Variants in BCAS3 observed in about 807,000 individuals in gnomAD.
BCAS3 encodes the protein BCAS3 microtubule associated cell migration factor.
BCAS3 carries 53 observed loss-of-function variants against 116.1 expected under a neutral mutation model. That is an observed-to-expected ratio of 0.46 (90% CI 0.37 to 0.57). BCAS3 has a LOEUF of 0.57. Ranked by LOEUF, BCAS3 falls within the 20% of genes least tolerant of loss-of-function variation. BCAS3 has a pLI of 0.00. For synonymous variants in BCAS3, 391 were observed against 408.2 expected, an observed-to-expected ratio of 0.96 and a Z score of 0.51; for missense variants, 917 against 1,165.4, an observed-to-expected ratio of 0.79 and a Z score of 3.10.
chr17:60,760,320 A>C (rs1433191583), intron 6 of BCAS3, among the ~76,000 whole-genome samples: 6 of 152,010 alleles, frequency 3.9e-5, no homozygotes, highest in Non-Finnish European at 2.9e-5. Flanking sequence ...TTTTCATGAT[A>C]GGGTATGTGT....
intron 22 of BCAS3, among the ~76,000 whole-genome samples, chr17:61,341,687 G>T (rs1055730407): frequency 6.6e-6 from 1 of 152,172 alleles, no homozygotes; most frequent in Non-Finnish European, 1.5e-5. Flanking sequence ...CAACTGAAAA[G>T]CACACCCAGT....
chr17:61,149,810 T>G (rs200828013), intron 22 of BCAS3, among the ~76,000 whole-genome samples: 105 of 152,344 alleles, frequency 6.9e-4, no homozygotes, highest in Middle Eastern at 3.4e-3. Flanking sequence ...ATTACTTTTA[T>G]CAGCCTGCAT....
At position 61,041,223 on chromosome 17, in the gene BCAS3, G is replaced by T. The variant is rs2067479400; in HGVS notation, c.2029+331G>T. ...ATAATAAAAAGTTTCATAAAGCTTG[G>T]AATCTGTTTCTAACATGGAAAAAAA... On this transcript the variant is annotated intron_variant, in intron 19 of 23. Transcript: ENST00000407086. The surrounding 1 kb of genome is among the most constrained non-coding windows in gnomAD (Gnocchi z 4.7). 2.0e-5 allele frequency among the ~76,000 whole-genome samples: 3 copies of T among 150,788 alleles called. No homozygotes were observed. The highest frequency in any genetic ancestry group is 6.6e-5 in the Admixed American group (1 of 15,212).
At position 61,198,744 on chromosome 17, in the gene BCAS3, T is replaced by C. The variant is rs1445958468; in HGVS notation, c.2425+114180T>C. On this transcript the variant is annotated intron_variant, in intron 22 of 23. Transcript: ENST00000407086. The surrounding 1 kb of genome is among the most constrained non-coding windows in gnomAD (Gnocchi z 5.0). ...TTTCTTAGCATTTATCTTCAAACCT[T>C]AAGTGTAAAAATGAGACAGAGGCTT... Among the ~76,000 whole-genome samples, 13 of 152,248 alleles carry C rather than the reference T, an allele frequency of 8.5e-5. No individual in the cohort carries two copies. Among genetic ancestry groups the C allele is most frequent in the Admixed American group, 8.5e-4 (13 of 15,284 alleles).
At chr17:60,986,402 T>C (rs909161221) in intron 14 of BCAS3, among the ~76,000 whole-genome samples, 4 of 152,210 alleles carry the variant, frequency 2.6e-5, no homozygotes, top group African/African-American at 9.6e-5. Flanking sequence ...TTGTAGTTTT[T>C]TCAGGAACCT....
rs779963306 is a variant in BCAS3, at chr17:60,757,363, T to TAAATAAATAAAA, written c.403+10084_403+10085insAAATAAATAAAA. Among the ~76,000 whole-genome samples the TAAATAAATAAAA allele has an allele frequency of 8.7e-3, 1,299 of 148,950 alleles. 19 individuals carry two copies. Among genetic ancestry groups the TAAATAAATAAAA allele is most frequent in the African/African-American group, 0.029 (1,143 of 39,784 alleles). On this transcript the variant is annotated intron_variant, in intron 6 of 23. Transcript: ENST00000407086. ...ATAAATAAATAAATAAATAAATAAA[T>TAAATAAATAAAA]GAGTTTCTCTGCATCCTTGCCAGCA...
At chr17:61,310,591 C>T (rs1289588099) in intron 22 of BCAS3, among the ~76,000 whole-genome samples, 1 of 151,686 alleles carries the variant, frequency 6.6e-6, no homozygotes, top group Non-Finnish European at 1.5e-5. Context: ...AAAATGAACT[C>T]TCAAATCTGT....
At position 61,281,532 on chromosome 17, in the gene BCAS3, T is replaced by C. The variant is rs989613142; in HGVS notation, c.2426-86795T>C. On this transcript the variant is annotated intron_variant, in intron 22 of 23. Transcript: ENST00000407086. The surrounding 1 kb of genome is among the most constrained non-coding windows in gnomAD (Gnocchi z 4.2). ...GATTTTTTGGTCTCTGCAAATCAGA[T>C]TCAATGTGTCATTTTATTGTAATTT... 1.3e-5 allele frequency among the ~76,000 whole-genome samples: 2 copies of C among 152,228 alleles called. No homozygotes were observed. The highest frequency in any genetic ancestry group is 2.4e-5 in the African/African-American group (1 of 41,464).
In BCAS3 at chr17:60,709,675, C is replaced by T. The variant is rs2037616492; in HGVS notation, c.321+350C>T. The T allele has an allele frequency of 1.9e-5, 5 of 257,618 alleles. No individual in the cohort carries two copies. The South Asian group carries it at 2.0e-4, about 10-fold the overall frequency. The allele number at this position is 257,618 out of a possible 1,614,324, so 16.0% of individuals were successfully genotyped here. ...AAGTGTTGGGATTACAGGCGTGAGC[C>T]ACTGCACCCAGCATATGTCTGTGTA... On this transcript the variant is annotated intron_variant, in intron 5 of 23. Coordinates refer to ENST00000407086, the MANE Select transcript of BCAS3 (RefSeq NM_017679.5).
chr17:61,206,976 A>C (rs1180608929), intron 22 of BCAS3, among the ~76,000 whole-genome samples: 1 of 151,366 alleles, frequency 6.6e-6, no homozygotes, highest in East Asian at 1.9e-4. Flanking sequence ...TTTTGTTTGG[A>C]AAGAACAGAT....
Position 61,008,989 on chromosome 17 carries a change from A to T in BCAS3, c.1487-6762A>T, listed in dbSNP as rs1320276686. Among the ~76,000 whole-genome samples the T allele has an allele frequency of 6.6e-6, 1 of 152,064 alleles. No homozygotes were observed. Among genetic ancestry groups the T allele is most frequent in the South Asian group, 2.1e-4 (1 of 4,834 alleles). ...CAAAGACACTAGGTGAGGAGCTTAT[A>T]TCCTAGAACAATAGTGGGTGTTGTA... On this transcript the variant is annotated intron_variant, in intron 15 of 23. Coordinates refer to ENST00000407086, the MANE Select transcript of BCAS3 (RefSeq NM_017679.5). This position sits in a 1 kb window ranked among gnomAD's most constrained non-coding sequence, Gnocchi z 4.6.
chr17:60,788,620 A>AT, intron 6 of BCAS3, among the ~76,000 whole-genome samples: 1 of 152,260 alleles, frequency 6.6e-6, no homozygotes, highest in South Asian at 2.1e-4. Context: ...AGGTAATATG[A>AT]TTTATGTCTT....
At position 60,679,469 on chromosome 17, in the gene BCAS3, T is replaced by C. The variant is rs763818286; in HGVS notation, c.12T>C (p.Ala4=). ...TGGAAACAGGTTTTATGAATGAAGC[T>C]ATGGCTACAGATTCCCCAAGAAGAC... MNE[A]MATDSPRRPS... is the part of the protein sequence containing the mutation. The change falls in exon 2 of 24, where the codon GCT becomes GCC. Residue 4 remains alanine, a synonymous_variant. Coordinates refer to ENST00000407086, the MANE Select transcript of BCAS3 (RefSeq NM_017679.5). 1.9e-6 allele frequency: 3 copies of C among 1,613,682 alleles called. No individual in the cohort carries two copies. The highest frequency in any genetic ancestry group is 2.5e-6 in the Non-Finnish European group (3 of 1,179,664).
intron 9 of BCAS3, among the ~76,000 whole-genome samples, chr17:60,875,290 T>G (rs2055494841): frequency 6.6e-6 from 1 of 152,150 alleles, no homozygotes; most frequent in Non-Finnish European, 1.5e-5. Context: ...TTGATAATAT[T>G]TGCAGCTTTT....
chr17:61,284,838 G>T (rs2051588354), intron 22 of BCAS3, among the ~76,000 whole-genome samples: 1 of 152,202 alleles, frequency 6.6e-6, no homozygotes, highest in Admixed American at 6.5e-5. Flanking sequence ...CAGTAAGTGA[G>T]GAGATTTGCC....
intron 5 of BCAS3, among the ~76,000 whole-genome samples, chr17:60,738,969 T>A (rs1436149559): frequency 1.3e-5 from 2 of 152,162 alleles, no homozygotes; most frequent in East Asian, 3.9e-4. Context: ...CTTTTGCTGC[T>A]TTTTTAGTTT....
At chr17:61,223,592 C>T (rs1344975959) in intron 22 of BCAS3, among the ~76,000 whole-genome samples, 1 of 152,200 alleles carries the variant, frequency 6.6e-6, no homozygotes, top group Non-Finnish European at 1.5e-5. Context: ...TCTCCATGCT[C>T]AGGCACTTTC....
Position 61,181,720 on chromosome 17 carries a change from T to C in BCAS3, c.2425+97156T>C, listed in dbSNP as rs2079494050. Among the ~76,000 whole-genome samples the C allele has an allele frequency of 6.6e-6, 1 of 152,178 alleles. No homozygotes were observed. The highest frequency in any genetic ancestry group is 2.4e-5 in the African/African-American group (1 of 41,444). On this transcript the variant is annotated intron_variant, in intron 22 of 23. Coordinates refer to ENST00000407086, the MANE Select transcript of BCAS3 (RefSeq NM_017679.5). This position sits in a 1 kb window ranked among gnomAD's most constrained non-coding sequence, Gnocchi z 5.0. ...ATAAGAGTCAACTCTAAAATCAAAA[T>C]AAATAGAAGCTCCACCATGATTTTT... is the stretch of plus-strand genomic sequence containing the variant.
chr17:60,888,476 G>A (rs754950492), intron 9 of BCAS3, among the ~76,000 whole-genome samples: 3 of 152,060 alleles, frequency 2.0e-5, no homozygotes, highest in Non-Finnish European at 2.9e-5. Flanking sequence ...GAAATTGTCA[G>A]CGGAATACAT....
Sources: gnomAD v4.1 joint callset for allele counts (sites outside exome capture counted in the v4.1 genomes callset) on GRCh38, gnomAD v4.1.1 for gene constraint, Gnocchi (gnomAD v3.1) non-coding constraint, MANE v1.5 for transcripts, NCBI Gene and HGNC (gene_info 2026-07-23, HGNC 2026-07-21) for gene names.